The following NCBP3 variants were observed in gnomAD, a reference collection of about 807,000 sequenced individuals.
The protein encoded by NCBP3 is nuclear cap binding subunit 3, also known as nuclear cap-binding protein subunit 3.
Under a neutral mutation model 75.7 loss-of-function variants are expected in NCBP3, and 20 were observed. The observed-to-expected ratio is 0.26, with a 90% CI of 0.19 to 0.38. The LOEUF is 0.38. Among genes scored for constraint, NCBP3 ranks in the 10% least tolerant of loss-of-function variants. The pLI, the probability that NCBP3 is intolerant of heterozygous loss-of-function variation, is 1.00. For missense variants in NCBP3, 678 were observed against 796.9 expected, an observed-to-expected ratio of 0.85 and a Z score of 1.80; for synonymous variants, 293 against 290.5, an observed-to-expected ratio of 1.01 and a Z score of -0.09.
rs372696203 is a variant in NCBP3, at chr17:3,813,005, T to C, written c.*39A>G. ...CTGCGCGCCCCACCCTGTGCAAGAA[T>C]GTCAGGCTTTAGGGCAGCTGCCATA... On this transcript the variant is annotated 3_prime_UTR_variant, in exon 13 of 13. Transcript: ENST00000389005. 68 of 1,612,408 alleles carry C rather than the reference T, an allele frequency of 4.2e-5. No homozygotes were observed. The highest frequency in any genetic ancestry group is 1.7e-4 in the Middle Eastern group (1 of 5,986).
At chr17:3,843,571 A>G (rs985644621) in intron 1 of NCBP3, among the ~76,000 whole-genome samples, 28 of 152,202 alleles carry the variant, frequency 1.8e-4, no homozygotes, top group African/African-American at 5.5e-4. Context: ...TTTGAGATGG[A>G]GTCTCACTCT....
Position 3,832,463 on chromosome 17 carries a change from T to A in NCBP3, c.356-3095A>T, listed in dbSNP as rs1408330822. ...GGCCAACACGGTGAAACCCCGTCTC[T>A]ACTAAAAATACAAAACAATTAGCCA... is the stretch of plus-strand genomic sequence containing the variant. On this transcript the variant is annotated intron_variant, in intron 3 of 12. Transcript: ENST00000389005. Among the ~76,000 whole-genome samples, 7 of 116,680 alleles carry A rather than the reference T, an allele frequency of 6.0e-5. 2 individuals are homozygous for A. In the Admixed American group the frequency reaches 6.1e-4, roughly 10 times the overall value. 76.5% of individuals were successfully genotyped at this position (116,680 alleles called of 152,430 possible). A position where few individuals can be genotyped will look rare whatever the true frequency, so the allele number is the denominator to read the frequency against.
At chr17:3,827,141 T>C (rs2053803490) in intron 4 of NCBP3, among the ~76,000 whole-genome samples, 1 of 151,276 alleles carries the variant, frequency 6.6e-6, no homozygotes, top group African/African-American at 2.4e-5. Context: ...AAGAAAAGGG[T>C]AGTAAAATCT....
In NCBP3 at chr17:3,821,143, G is replaced by T; in HGVS notation, c.1000+106C>A. 3 of 771,926 alleles carry T rather than the reference G, an allele frequency of 3.9e-6. No homozygotes were observed. In the South Asian group the frequency reaches 4.7e-5, roughly 12 times the overall value. The allele number at this position is 771,926 out of a possible 1,614,324, so 47.8% of individuals were successfully genotyped here. On this transcript the variant is annotated intron_variant, in intron 9 of 12. Transcript: ENST00000389005. Reference sequence around the variant, plus strand: ...TATGTTGGCAGAGGGTGAGGGCAAGGAAGAGAGGATGATAAAGTTTGGAAC... The same window carrying T: ...TATGTTGGCAGAGGGTGAGGGCAAGTAAGAGAGGATGATAAAGTTTGGAAC...
At chr17:3,844,970 G>A (rs914606554) in intron 1 of NCBP3, among the ~76,000 whole-genome samples, 2 of 152,142 alleles carry the variant, frequency 1.3e-5, no homozygotes, top group Non-Finnish European at 2.9e-5. Flanking sequence ...TGAACTGAAT[G>A]ACTAAAGGGA....
rs564661409 is a variant in NCBP3, at chr17:3,835,203, A to G, written c.355+4897T>C. 2.0e-5 allele frequency among the ~76,000 whole-genome samples: 3 copies of G among 152,384 alleles called. No individual in the cohort carries two copies. In the East Asian group the frequency reaches 5.8e-4, roughly 29 times the overall value. On this transcript the variant is annotated intron_variant, in intron 3 of 12. Transcript: ENST00000389005. ...GATGTAATTTAATAGGACTACATTT[A>G]AAAGTAATTTTTTTAAAAAAGTGCC...
At chr17:3,836,740 G>A (rs1226538279) in intron 3 of NCBP3, among the ~76,000 whole-genome samples, 3 of 151,656 alleles carry the variant, frequency 2.0e-5, no homozygotes, top group East Asian at 1.9e-4. Context: ...TAACTTGCCC[G>A]AGGCCATAGA....
In NCBP3 at chr17:3,818,215, G is replaced by A. The variant is rs2053584786; in HGVS notation, c.1310+48C>T. On this transcript the variant is annotated intron_variant, in intron 10 of 12. Transcript: ENST00000389005. This position sits in a 1 kb window ranked among gnomAD's most constrained non-coding sequence, Gnocchi z 4.7. Reference sequence around the variant, plus strand: ...TAGGAGGAATTAAGAAGTTATACTAGTATTTAAAATCAAATTAAAAGCTAG... The same window carrying A: ...TAGGAGGAATTAAGAAGTTATACTAATATTTAAAATCAAATTAAAAGCTAG... 7.7e-7 allele frequency: 1 copy of A among 1,299,346 alleles called. No individual in the cohort carries two copies. The highest frequency in any genetic ancestry group is 2.2e-5 in the Admixed American group (1 of 44,774). The allele number at this position is 1,299,346 out of a possible 1,614,324, so 80.5% of individuals were successfully genotyped here. A position where few individuals can be genotyped will look rare whatever the true frequency, so the allele number is the denominator to read the frequency against.
At chr17:3,837,925 G>C (rs1055940036) in intron 3 of NCBP3, among the ~76,000 whole-genome samples, 2 of 151,788 alleles carry the variant, frequency 1.3e-5, no homozygotes, top group Non-Finnish European at 2.9e-5. Flanking sequence ...TCCCACGGCC[G>C]ACCTTACTGC....
intron 1 of NCBP3, among the ~76,000 whole-genome samples, chr17:3,845,655 G>A (rs1175119920): frequency 6.6e-6 from 1 of 152,148 alleles, no homozygotes; most frequent in Non-Finnish European, 1.5e-5. Context: ...GGTTGCTGGC[G>A]CCACCCAACA....
intron 2 of NCBP3, among the ~76,000 whole-genome samples, chr17:3,841,818 G>A (rs2054068406): frequency 8.1e-6 from 1 of 124,150 alleles, no homozygotes; most frequent in Admixed American, 8.3e-5. Context: ...GGGTGACAGA[G>A]TGAGACTCTG....
chr17:3,812,660 AG>A lies in NCBP3; in HGVS notation c.*383del. ...GAAAAGGGTGCTGGTAACAGCTGTC[AG>A]GGCCAAGGCAATAGTGAGAAGTTCA... On this transcript the variant is annotated 3_prime_UTR_variant, in exon 13 of 13. Coordinates refer to ENST00000389005, the MANE Select transcript of NCBP3 (RefSeq NM_001114118.3). 2 of 1,029,154 alleles carry A rather than the reference AG, an allele frequency of 1.9e-6. No homozygotes were observed. The highest frequency in any genetic ancestry group is 2.3e-6 in the Non-Finnish European group (2 of 856,112). 63.8% of individuals were successfully genotyped at this position (1,029,154 alleles called of 1,614,324 possible).
In NCBP3 at chr17:3,806,205, A is replaced by C. The variant is rs558498509; in HGVS notation, c.*6839T>G. ...GTAATTCTCCTGTCTCAGCCTCCCA[A>C]GTAGCTGGGACTACAGGTACCCACC... On this transcript the variant is annotated 3_prime_UTR_variant, in exon 13 of 13. Coordinates refer to ENST00000389005, the MANE Select transcript of NCBP3 (RefSeq NM_001114118.3). 1 of 152,196 alleles carries C rather than the reference A, an allele frequency of 6.6e-6. No homozygotes were observed. Among genetic ancestry groups the C allele is most frequent in the Non-Finnish European group, 1.5e-5 (1 of 68,122 alleles). The allele number at this position is 152,196 out of a possible 1,614,324, so 9.4% of individuals were successfully genotyped here. A position where few individuals can be genotyped will look rare whatever the true frequency, so the allele number is the denominator to read the frequency against.
At chr17:3,821,019 CTA>C (rs1465328925) in intron 9 of NCBP3, among the ~76,000 whole-genome samples, 1 of 151,760 alleles carries the variant, frequency 6.6e-6, no homozygotes. Context: ...TTAATTTTTC[CTA>C]TGTCATATTT....
intron 3 of NCBP3, among the ~76,000 whole-genome samples, chr17:3,836,747 T>C (rs1341338184): frequency 6.6e-6 from 1 of 151,326 alleles, no homozygotes; most frequent in Non-Finnish European, 1.5e-5. Context: ...CCCGAGGCCA[T>C]AGAGCTAGAA....
intron 3 of NCBP3, among the ~76,000 whole-genome samples, chr17:3,831,100 G>A (rs976571188): frequency 2.7e-5 from 4 of 149,134 alleles, no homozygotes; most frequent in Non-Finnish European, 4.5e-5. Context: ...TAGTAGAGAC[G>A]ACGTTTCTCC....
intron 3 of NCBP3, among the ~76,000 whole-genome samples, chr17:3,830,101 C>T (rs1031827676): frequency 2.7e-4 from 41 of 152,216 alleles, no homozygotes; most frequent in Admixed American, 9.8e-4. Context: ...CTTACTTCCC[C>T]GGCTGGTGGG....
rs1457435833 is a variant in NCBP3, at chr17:3,803,711, TAA to T, written c.*9331_*9332del. ...CTGTGATTTTGAAATTATTTCAAAA[TAA>T]AGTTTTAAATATTTTAAAAAATTTT... On this transcript the variant is annotated 3_prime_UTR_variant, in exon 13 of 13. Transcript: ENST00000389005. 1 of 152,214 alleles carries T rather than the reference TAA, an allele frequency of 6.6e-6. No homozygotes were observed. Among genetic ancestry groups the T allele is most frequent in the African/African-American group, 2.4e-5 (1 of 41,456 alleles). 9.4% of individuals were successfully genotyped at this position (152,214 alleles called of 1,614,324 possible).
rs966304628 is a variant in NCBP3 at position 3,803,553 on chromosome 17, T to C, written c.*9491A>G. The C allele has an allele frequency of 6.6e-6, 1 of 152,252 alleles. No individual in the cohort carries two copies. Among genetic ancestry groups the C allele is most frequent in the East Asian group, 1.9e-4 (1 of 5,188 alleles). 9.4% of individuals were successfully genotyped at this position (152,252 alleles called of 1,614,324 possible). A position where few individuals can be genotyped will look rare whatever the true frequency, so the allele number is the denominator to read the frequency against. ...AAAACATCTTACGGATAAACGAGCATGATGTATACAAATAATCCTCAAATG... is the reference window on the plus strand; with the variant it reads ...AAAACATCTTACGGATAAACGAGCACGATGTATACAAATAATCCTCAAATG... On this transcript the variant is annotated 3_prime_UTR_variant, in exon 13 of 13. Transcript: ENST00000389005.
Sources: allele counts gnomAD v4.1 joint callset (sites outside exome capture counted in the v4.1 genomes callset), GRCh38; gene constraint gnomAD v4.1.1; non-coding constraint Gnocchi (gnomAD v3.1); transcripts MANE v1.5; gene names NCBI Gene and HGNC (gene_info 2026-07-23, HGNC 2026-07-21).